The following MORF4L1 variants were observed in gnomAD, a reference collection of about 807,000 sequenced individuals.
MORF4L1 encodes mortality factor 4-like protein 1.
MORF4L1 carries 4 observed loss-of-function variants against 52.9 expected under a neutral mutation model. The ratio of observed to expected loss-of-function variants is 0.08; its 90% CI spans 0.04 to 0.17. The LOEUF (loss-of-function observed/expected upper bound fraction) is 0.17, where lower values mean the gene tolerates loss of function less well. Ranked by LOEUF, MORF4L1 falls within the 10% of genes least tolerant of loss-of-function variation. MORF4L1 has a pLI of 1.00. For synonymous variants in MORF4L1, 123 were observed against 134.8 expected (o/e 0.91, Z 0.61); for missense variants, 214 against 390.4 (o/e 0.55, Z 3.81).
intron 2 of MORF4L1, 52 bp from the exon 3 acceptor site, chr15:78,880,460 A>G: frequency 1.5e-6 from 2 of 1,303,762 alleles, no homozygotes; most frequent in Non-Finnish European, 2.2e-6. Flanking sequence ...TTGAAAAGGT[A>G]GTGTCTTTAA....
At position 78,880,501 on chromosome 15, in the gene MORF4L1, T is replaced by C; in HGVS notation, c.88-11T>C. On this transcript the variant is annotated splice_polypyrimidine_tract_variant and intron_variant, in intron 2 of 11. Coordinates refer to ENST00000426013, the MANE Select transcript of MORF4L1 (RefSeq NM_006791.4). The stretch of plus-strand genomic sequence containing the variant: ...TTCTAAGTGAATTATTATTTTTTTT[T>C]TGAATTTCAGTGTGTAAAGGTTGCC... 6.3e-7 allele frequency: 1 copy of C among 1,577,022 alleles called. No homozygotes were observed. The highest frequency in any genetic ancestry group is 1.2e-5 in the South Asian group (1 of 85,354).
At chr15:78,873,463 C>T (rs911513812) in intron 1 of MORF4L1, among the ~76,000 whole-genome samples, 1 of 152,102 alleles carries the variant, frequency 6.6e-6, no homozygotes, top group African/African-American at 2.4e-5. Context: ...GCGGCGCGCC[C>T]GGCCGCTTGG....
At chr15:78,884,350 A>G (rs1335561411) in intron 3 of MORF4L1, among the ~76,000 whole-genome samples, 2 of 152,104 alleles carry the variant, frequency 1.3e-5, no homozygotes, top group Non-Finnish European at 2.9e-5. Context: ...TGTCTCTACT[A>G]AAAATTAGCT....
intron 5 of MORF4L1, among the ~76,000 whole-genome samples, chr15:78,889,853 G>A (rs2056768609): frequency 6.6e-6 from 1 of 152,154 alleles, no homozygotes; most frequent in Non-Finnish European, 1.5e-5. Flanking sequence ...AGGTGTTATA[G>A]TATCTTTCCA....
chr15:78,874,312 G>C (rs2056436305), intron 1 of MORF4L1, among the ~76,000 whole-genome samples: 1 of 152,182 alleles, frequency 6.6e-6, no homozygotes, highest in South Asian at 2.1e-4. Context: ...TCAAACCGTA[G>C]TACTGCGTAT....
At chr15:78,880,014 A>T (rs1164577251) in intron 2 of MORF4L1, among the ~76,000 whole-genome samples, 2 of 152,216 alleles carry the variant, frequency 1.3e-5, no homozygotes, top group African/African-American at 4.8e-5. Flanking sequence ...ATAGTTAATG[A>T]CTTGCCTCTA....
intron 3 of MORF4L1, among the ~76,000 whole-genome samples, chr15:78,882,289 T>G (rs2056617031): frequency 6.6e-6 from 1 of 152,124 alleles, no homozygotes; most frequent in South Asian, 2.1e-4. Context: ...CACTCTAGCC[T>G]GAGTGACAGA....
Position 78,894,856 on chromosome 15 carries a change from A to G in MORF4L1, c.839A>G (p.Asp280Gly). Residue 280 changes from aspartate (D) to glycine (G), a missense_variant, in exon 11 of 12, where the codon GAT (aspartate) becomes GGT (glycine). Physicochemically the swap from Asp to Gly is moderately conservative, Grantham distance 94. This residue lies in a region of MORF4L1 where 68 missense variants were observed against 171.6 expected (regional missense o/e 0.40). Transcript: ENST00000426013. ...IGAMLAYTPL[D>G]EKSLALLLNY... Reference sequence around the variant, plus strand: ...GCAATGTTGGCTTATACACCTCTGGATGAGAAGAGCCTTGCTTTATTACTC... The same window carrying G: ...GCAATGTTGGCTTATACACCTCTGGGTGAGAAGAGCCTTGCTTTATTACTC... The G allele has an allele frequency of 6.2e-7, 1 of 1,613,824 alleles. No individual in the cohort carries two copies. The highest frequency in any genetic ancestry group is 8.5e-7 in the Non-Finnish European group (1 of 1,179,730).
rs112488193 is a variant in MORF4L1 at position 78,897,207 on chromosome 15, A to C, written c.*140A>C. On this transcript the variant is annotated 3_prime_UTR_variant, in exon 12 of 12. Transcript: ENST00000426013. ...TTTTCTGTTTGATTTTAAACAGAGA[A>C]AAAATAAAAGGGGGTAATAGCTCCT... 466 of 633,582 alleles carry C rather than the reference A, an allele frequency of 7.4e-4. No individual in the cohort carries two copies. The highest frequency in any genetic ancestry group is 2.0e-3 in the Middle Eastern group (4 of 2,034). The allele number at this position is 633,582 out of a possible 1,614,324, so 39.2% of individuals were successfully genotyped here.
rs751037936 is a variant in MORF4L1 at position 78,880,492 on chromosome 15, ATT to A, written c.88-11_88-10del. 11 of 1,405,124 alleles carry A rather than the reference ATT, an allele frequency of 7.8e-6. No homozygotes were observed. Among genetic ancestry groups the A allele is most frequent in the Admixed American group, 4.0e-5 (2 of 49,830 alleles). 87.0% of individuals were successfully genotyped at this position (1,405,124 alleles called of 1,614,324 possible). ...TTAAAAAATTTCTAAGTGAATTATTATTTTTTTTTTGAATTTCAGTGTGTAAA... is the reference window on the plus strand; with the variant it reads ...TTAAAAAATTTCTAAGTGAATTATTATTTTTTTTGAATTTCAGTGTGTAAA... On this transcript the variant is annotated intron_variant, in intron 2 of 11. Transcript: ENST00000426013.
chr15:78,875,544 G>C (rs2056469042), intron 1 of MORF4L1, among the ~76,000 whole-genome samples: 2 of 152,184 alleles, frequency 1.3e-5, no homozygotes, highest in Non-Finnish European at 1.5e-5. Context: ...CGAGGTGGGT[G>C]GGGGCGGTGG....
At chr15:78,878,158 A>G in intron 1 of MORF4L1, 55 bp from the exon 2 acceptor site, 1 of 1,540,924 alleles carries the variant, frequency 6.5e-7, no homozygotes, top group Non-Finnish European at 8.8e-7. Flanking sequence ...CTAAGATGTT[A>G]ATCTTTTTAT....
rs1397931959 is a variant in MORF4L1 at position 78,873,332 on chromosome 15, G to A, written c.40+275G>A. 3.0e-6 allele frequency: 3 copies of A among 1,004,722 alleles called. No individual in the cohort carries two copies. In the Admixed American group the frequency reaches 1.2e-4, roughly 41 times the overall value. The allele number at this position is 1,004,722 out of a possible 1,614,324, so 62.2% of individuals were successfully genotyped here. A position where few individuals can be genotyped will look rare whatever the true frequency, so the allele number is the denominator to read the frequency against. On this transcript the variant is annotated intron_variant, in intron 1 of 11. Coordinates refer to ENST00000426013, the MANE Select transcript of MORF4L1 (RefSeq NM_006791.4). ...CTCGTCAAGTGTTTGTTATTGTTCT[G>A]AGGAAGAGGGCGCGGAGAGAGCAGC... is the stretch of plus-strand genomic sequence containing the variant.
At chr15:78,894,981 AAAACATT>A (rs1445851483) in intron 11 of MORF4L1, 77 bp downstream of exon 11, 30 of 1,172,366 alleles carry the variant, frequency 2.6e-5, no homozygotes, top group Non-Finnish European at 3.3e-5. Context: ...TATAGATGCT[AAAACATT>A]AAACATTATA....
In MORF4L1 at chr15:78,886,168, A is replaced by G; in HGVS notation, c.183A>G (p.Arg61=). The G allele has an allele frequency of 6.2e-7, 1 of 1,614,060 alleles. No homozygotes were observed. Among genetic ancestry groups the G allele is most frequent in the Non-Finnish European group, 8.5e-7 (1 of 1,179,920 alleles). Residue 61 remains arginine, a synonymous_variant, in exon 4 of 12, where the codon AGA becomes AGG. Coordinates refer to ENST00000426013, the MANE Select transcript of MORF4L1 (RefSeq NM_006791.4). ...GGGATGAATGGGTTCCGGAGAGCAGAGTACTCAAATACGTGGACACCAATT... is the reference window on the plus strand; with the variant it reads ...GGGATGAATGGGTTCCGGAGAGCAGGGTACTCAAATACGTGGACACCAATT... ...KNWDEWVPES[R]VLKYVDTNLQ...
At chr15:78,876,940 T>C (rs2056504317) in intron 1 of MORF4L1, among the ~76,000 whole-genome samples, 1 of 151,960 alleles carries the variant, frequency 6.6e-6, no homozygotes, top group Non-Finnish European at 1.5e-5. Context: ...ATATTTTAAA[T>C]TTTAGTGGTT....
intron 11 of MORF4L1, among the ~76,000 whole-genome samples, chr15:78,895,172 A>T (rs1415969026): frequency 6.6e-6 from 1 of 152,234 alleles, no homozygotes; most frequent in Non-Finnish European, 1.5e-5. Flanking sequence ...ACAAAGCCAC[A>T]CTTGTCATGT....
At chr15:78,886,521 C>T in intron 4 of MORF4L1, 1 of 287,066 alleles carries the variant, frequency 3.5e-6, no homozygotes, top group Non-Finnish European at 6.6e-6. Flanking sequence ...TTCGGGGGCT[C>T]TGGAAGACAA....
At position 78,897,611 on chromosome 15, in the gene MORF4L1, T is replaced by C. The variant is rs1378444951; in HGVS notation, c.*544T>C. ...GTGGCTTGTTTCATGGTTTTTGTAT[T>C]TGTGTCTAATGCACGTTTTAACATG... On this transcript the variant is annotated 3_prime_UTR_variant, in exon 12 of 12. Coordinates refer to ENST00000426013, the MANE Select transcript of MORF4L1 (RefSeq NM_006791.4). 2 of 152,862 alleles carry C rather than the reference T, an allele frequency of 1.3e-5. No homozygotes were observed. The highest frequency in any genetic ancestry group is 4.8e-5 in the African/African-American group (2 of 41,448). 9.5% of individuals were successfully genotyped at this position (152,862 alleles called of 1,614,324 possible).
Sources: gnomAD v4.1 joint callset for allele counts (sites outside exome capture counted in the v4.1 genomes callset) on GRCh38, gnomAD v4.1.1 for gene constraint, gnomAD v4.1.1 regional missense constraint, MANE v1.5 for transcripts, NCBI Gene and HGNC (gene_info 2026-07-23, HGNC 2026-07-21) for gene names.